Variants in MEIS1 observed in about 807,000 individuals in gnomAD.
MEIS1 encodes homeobox protein Meis1.
A neutral mutation model predicts 50.8 loss-of-function variants in MEIS1; 5 were observed. That is an observed-to-expected ratio of 0.10 (90% CI 0.05 to 0.21). MEIS1 has a LOEUF of 0.21. Ranked by LOEUF, MEIS1 falls within the 10% of genes least tolerant of loss-of-function variation. The probability of loss-of-function intolerance (pLI) is 1.00; values close to 1 mark genes in which losing one functional copy is unlikely to be tolerated. For missense variants in MEIS1, 318 were observed against 517.3 expected (o/e 0.61, Z 3.74); for synonymous variants, 176 against 179.3 (o/e 0.98, Z 0.15).
chr2:66,539,801 A>C (rs1674607898), intron 8 of MEIS1, among the ~76,000 whole-genome samples: 1 of 152,178 alleles, frequency 6.6e-6, no homozygotes, highest in Non-Finnish European at 1.5e-5. Flanking sequence ...CAAGGTTCTG[A>C]TGAACTAACT....
intron 6 of MEIS1, among the ~76,000 whole-genome samples, chr2:66,455,364 T>C (rs1477977776): frequency 6.6e-6 from 1 of 152,206 alleles, no homozygotes; most frequent in Non-Finnish European, 1.5e-5. Context: ...TAGACCACAG[T>C]AGGGTCACCA....
At chr2:66,553,836 G>T (rs2103943932) in intron 9 of MEIS1, among the ~76,000 whole-genome samples, 1 of 152,298 alleles carries the variant, frequency 6.6e-6, no homozygotes, top group South Asian at 2.1e-4. Context: ...CGTTAATACT[G>T]TTAAAGACGA....
intron 6 of MEIS1, among the ~76,000 whole-genome samples, chr2:66,458,823 T>C (rs1347183069): frequency 6.6e-6 from 1 of 152,226 alleles, no homozygotes; most frequent in Non-Finnish European, 1.5e-5. Flanking sequence ...CTTTTTTAGA[T>C]ATTTTGTGAT....
chr2:66,563,583 C>G (rs189698837), intron 9 of MEIS1, among the ~76,000 whole-genome samples: 1 of 152,268 alleles, frequency 6.6e-6, no homozygotes, highest in Admixed American at 6.5e-5. Context: ...ATAATTTAGA[C>G]TCTTCCACAA....
rs1675482219 is a variant in MEIS1 at position 66,571,296 on chromosome 2, G to C, written c.*88G>C. On this transcript the variant is annotated 3_prime_UTR_variant, in exon 13 of 13. Transcript: ENST00000272369. Reference sequence around the variant, plus strand: ...TGTAGCCCGGGGTGGTCCAATGGGTGTGAGTATGGGACAGCCAAGTTATAC... The same window carrying C: ...TGTAGCCCGGGGTGGTCCAATGGGTCTGAGTATGGGACAGCCAAGTTATAC... The C allele has an allele frequency of 3.8e-6, 6 of 1,597,656 alleles. No homozygotes were observed.
At chr2:66,547,807 A>ACTC (rs1674827444) in intron 8 of MEIS1, 136 bp from the exon 9 acceptor site, 1 of 732,652 alleles carries the variant, frequency 1.4e-6, no homozygotes, top group Non-Finnish European at 2.3e-6. Context: ...TAATTAGATG[A>ACTC]TGTAGTATTC....
chr2:66,542,319 A>T lies in MEIS1; in HGVS notation c.889-5624A>T, dbSNP rs116918443. ...TCTTTAAAGGGAGTATCTCCCCATC[A>T]CATACCAGAGTTTAGCTCAAGGTCA... On this transcript the variant is annotated intron_variant, in intron 8 of 12. Coordinates refer to ENST00000272369, the MANE Select transcript of MEIS1 (RefSeq NM_002398.3). 7.6e-4 allele frequency among the ~76,000 whole-genome samples: 116 copies of T among 152,208 alleles called. 6 individuals are homozygous for T. In the East Asian group the frequency reaches 0.022, roughly 29 times the overall value.
chr2:66,553,040 TA>T (rs922571005), intron 9 of MEIS1, among the ~76,000 whole-genome samples: 2 of 151,892 alleles, frequency 1.3e-5, no homozygotes, highest in African/African-American at 2.4e-5. Flanking sequence ...AAAACAGATG[TA>T]AAAAAAAGAA....
chr2:66,453,583 T>A (rs1291415875), intron 6 of MEIS1, among the ~76,000 whole-genome samples: 3 of 151,928 alleles, frequency 2.0e-5, no homozygotes, highest in African/African-American at 7.2e-5. Flanking sequence ...AACTCCAAAT[T>A]TAACGTTGTC....
chr2:66,537,932 G>T (rs1674560055), intron 8 of MEIS1, among the ~76,000 whole-genome samples: 1 of 152,190 alleles, frequency 6.6e-6, no homozygotes, highest in South Asian at 2.1e-4. Flanking sequence ...TTTCTTTTCA[G>T]AAAGGTGGTC....
At position 66,499,397 on chromosome 2, in the gene MEIS1, C is replaced by T. The variant is rs4671731; in HGVS notation, c.743-12752C>T. 5.3e-3 allele frequency among the ~76,000 whole-genome samples: 809 copies of T among 152,194 alleles called. 29 individuals carry two copies. The highest frequency in any genetic ancestry group is 0.036 in the Admixed American group (556 of 15,278). ...TTCCCCCTGACCCTTGGCATTTCCT[C>T]TCCCTCCAACTTCTGCCTGATCCTA... On this transcript the variant is annotated intron_variant, in intron 7 of 12. Coordinates refer to ENST00000272369, the MANE Select transcript of MEIS1 (RefSeq NM_002398.3).
At chr2:66,565,451 A>G (rs1250936711) in intron 9 of MEIS1, among the ~76,000 whole-genome samples, 1 of 152,120 alleles carries the variant, frequency 6.6e-6, no homozygotes, top group Non-Finnish European at 1.5e-5. Context: ...TTATATATCT[A>G]TTTAGTCTGG....
At chr2:66,476,206 G>C (rs1672888803) in intron 7 of MEIS1, among the ~76,000 whole-genome samples, 1 of 152,152 alleles carries the variant, frequency 6.6e-6, no homozygotes, top group South Asian at 2.1e-4. Flanking sequence ...TGATGCTGCA[G>C]TCCTTAAAAA....
intron 7 of MEIS1, among the ~76,000 whole-genome samples, chr2:66,474,419 C>T (rs1223585716): frequency 6.6e-6 from 1 of 152,174 alleles, no homozygotes; most frequent in Non-Finnish European, 1.5e-5. Context: ...CATGATTCTA[C>T]CTGCCCTGGG....
intron 10 of MEIS1, 27 bp from the exon 11 acceptor site, chr2:66,568,640 A>G (rs761435779): frequency 6.3e-7 from 1 of 1,588,846 alleles, no homozygotes. Flanking sequence ...GACTGTTATT[A>G]AAAAACCACA....
chr2:66,472,594 G>T (rs1053126953), intron 7 of MEIS1, among the ~76,000 whole-genome samples: 2 of 152,158 alleles, frequency 1.3e-5, no homozygotes, highest in African/African-American at 4.8e-5. Flanking sequence ...GGAGCCGTGA[G>T]TGTATTTATT....
intron 8 of MEIS1, among the ~76,000 whole-genome samples, chr2:66,527,629 TG>T: frequency 6.7e-6 from 1 of 150,210 alleles, no homozygotes; most frequent in South Asian, 2.1e-4. Context: ...TGTGTGTGTG[TG>T]TGTGTGTGTG....
intron 9 of MEIS1, among the ~76,000 whole-genome samples, chr2:66,559,307 CT>C (rs1001834365): frequency 2.6e-5 from 4 of 152,212 alleles, no homozygotes; most frequent in South Asian, 2.1e-4. Flanking sequence ...ATGCATCCCA[CT>C]TTCCTGGGAG....
chr2:66,533,189 C>T (rs969243922), intron 8 of MEIS1, among the ~76,000 whole-genome samples: 1 of 152,142 alleles, frequency 6.6e-6, no homozygotes, highest in Non-Finnish European at 1.5e-5. Flanking sequence ...ATGTGGTGCT[C>T]GTCCCCTGCC....
Sources: allele counts gnomAD v4.1 joint callset (sites outside exome capture counted in the v4.1 genomes callset), GRCh38; gene constraint gnomAD v4.1.1; transcripts MANE v1.5; gene names NCBI Gene and HGNC (gene_info 2026-07-23, HGNC 2026-07-21).